PRELID2: variants seen among roughly 807,000 people sequenced by gnomAD.
PRELID2 encodes the protein PRELI domain containing 2.
In PRELID2, 25 loss-of-function variants were observed where a neutral mutation model predicts 28.4. The ratio of observed to expected loss-of-function variants is 0.88; its 90% CI spans 0.64 to 1.23. PRELID2 has a LOEUF of 1.23. PRELID2 is among the 50% of genes most tolerant of loss of function. The pLI is 0.00. For missense variants in PRELID2, 201 were observed against 214.4 expected, an observed-to-expected ratio of 0.94 and a Z score of 0.39; for synonymous variants, 76 against 71.6, an observed-to-expected ratio of 1.06 and a Z score of -0.31.
chr5:145,431,205 C>G, the PRELID2 span, among the ~76,000 whole-genome samples: 12 of 151,686 alleles, frequency 7.9e-5, no homozygotes, highest in Non-Finnish European at 1.2e-4. Context: ...TTTATCCACT[C>G]CCAATCACTA....
At chr5:145,301,082 T>C in the PRELID2 span, among the ~76,000 whole-genome samples, 1 of 152,098 alleles carries the variant, frequency 6.6e-6, no homozygotes, top group African/African-American at 2.4e-5. Flanking sequence ...GTTATCCCAA[T>C]GTGATTGTGT....
At chr5:145,429,503 T>C in the PRELID2 span, among the ~76,000 whole-genome samples, 5 of 151,882 alleles carry the variant, frequency 3.3e-5, no homozygotes, top group African/African-American at 1.2e-4. Context: ...AGATATGGAG[T>C]AGGCAGTTGG....
chr5:145,713,350 T>TTATATATATA lies in PRELID2; in HGVS notation n.70+51571_70+51580dup, dbSNP rs148194664. On this transcript the variant is annotated intron_variant and non_coding_transcript_variant, in intron 1 of 2. Transcript: ENST00000510259. ...AGAACTCTAAGAATGATATCTGACT[T>TTATATATATA]TATATATATATATATATATACTTTA... Among the ~76,000 whole-genome samples, 651 of 124,658 alleles carry TTATATATATA rather than the reference T, an allele frequency of 5.2e-3. 22 individuals are homozygous for TTATATATATA. Among genetic ancestry groups the TTATATATATA allele is most frequent in the African/African-American group, 0.019 (602 of 32,096 alleles). 81.8% of individuals were successfully genotyped at this position (124,658 alleles called of 152,430 possible).
the PRELID2 span, among the ~76,000 whole-genome samples, chr5:145,285,740 C>A: frequency 1.3e-5 from 2 of 152,154 alleles, no homozygotes; most frequent in Admixed American, 1.3e-4. Context: ...AGGTTTCCCT[C>A]TGAAGACCTT....
intron 1 of PRELID2, among the ~76,000 whole-genome samples, chr5:145,687,046 GGTTT>G (rs1382770182): frequency 6.6e-6 from 1 of 152,022 alleles, no homozygotes; most frequent in Non-Finnish European, 1.5e-5. Flanking sequence ...AATAATTACA[GGTTT>G]TTTTTAATTT....
At chr5:145,672,772 C>T (rs184253351) in intron 1 of PRELID2, among the ~76,000 whole-genome samples, 125 of 152,218 alleles carry the variant, frequency 8.2e-4, no homozygotes, top group African/African-American at 2.7e-3. Flanking sequence ...ACAGAAAATG[C>T]GACCCATCAC....
the PRELID2 span, among the ~76,000 whole-genome samples, chr5:145,393,736 T>C: frequency 6.6e-6 from 1 of 152,158 alleles, no homozygotes; most frequent in Non-Finnish European, 1.5e-5. Flanking sequence ...TAGGTTTCAG[T>C]TCACTGTGTA....
intron 1 of PRELID2, among the ~76,000 whole-genome samples, chr5:145,695,387 T>G (rs1187152284): frequency 6.6e-6 from 1 of 152,240 alleles, no homozygotes; most frequent in Non-Finnish European, 1.5e-5. Context: ...TAGAGGCTAG[T>G]GGACTAGGAA....
intron 1 of PRELID2, among the ~76,000 whole-genome samples, chr5:145,497,594 C>T (rs1435094257): frequency 2.0e-5 from 3 of 152,152 alleles, no homozygotes; most frequent in East Asian, 1.9e-4. Context: ...GAAACGCCTG[C>T]ATACTAGCTA....
chr5:145,809,366 C>A (rs1753775879), intron 4 of PRELID2, among the ~76,000 whole-genome samples: 1 of 151,724 alleles, frequency 6.6e-6, no homozygotes, highest in African/African-American at 2.4e-5. Flanking sequence ...TGACACACTG[C>A]CATGGCCCAG....
the PRELID2 span, among the ~76,000 whole-genome samples, chr5:145,409,984 T>C: frequency 6.6e-6 from 1 of 152,118 alleles, no homozygotes; most frequent in Non-Finnish European, 1.5e-5. Flanking sequence ...TGGAACAGAA[T>C]ACAGAACCCA....
chr5:145,788,779 C>T (rs1468417051), intron 5 of PRELID2, among the ~76,000 whole-genome samples: 2 of 151,986 alleles, frequency 1.3e-5, no homozygotes, highest in East Asian at 1.9e-4. Flanking sequence ...AAAGACTCCA[C>T]CAAAAAATGG....
the PRELID2 span, among the ~76,000 whole-genome samples, chr5:145,439,345 A>C: frequency 6.6e-6 from 1 of 152,174 alleles, no homozygotes; most frequent in South Asian, 2.1e-4. Context: ...CAGAGGAGCT[A>C]AGTGGCCTTC....
At chr5:145,792,132 T>A (rs1752436512) in intron 5 of PRELID2, among the ~76,000 whole-genome samples, 1 of 152,134 alleles carries the variant, frequency 6.6e-6, no homozygotes, top group South Asian at 2.1e-4. Flanking sequence ...AACACCCAGC[T>A]TGCCCCACGC....
chr5:145,607,891 G>A (rs895463689), intron 1 of PRELID2, among the ~76,000 whole-genome samples: 1 of 152,144 alleles, frequency 6.6e-6, no homozygotes, highest in Non-Finnish European at 1.5e-5. Context: ...CTCTTCATAG[G>A]TGTCTAAGAA....
chr5:145,776,718 T>C (rs1415481294), intron 5 of PRELID2, among the ~76,000 whole-genome samples: 1 of 152,232 alleles, frequency 6.6e-6, no homozygotes, highest in Non-Finnish European at 1.5e-5. Context: ...AAGGAGACAC[T>C]GAAGAAATAG....
chr5:145,591,669 C>T (rs1193891129), intron 1 of PRELID2, among the ~76,000 whole-genome samples: 1 of 152,160 alleles, frequency 6.6e-6, no homozygotes, highest in Non-Finnish European at 1.5e-5. Context: ...ATATCCCACA[C>T]TAAATCAAAG....
At chr5:145,820,369 C>T (rs557732015) in intron 2 of PRELID2, among the ~76,000 whole-genome samples, 1 of 152,218 alleles carries the variant, frequency 6.6e-6, no homozygotes, top group African/African-American at 2.4e-5. Context: ...AAGGGTACAA[C>T]AGTAACTCAG....
chr5:145,528,321 TCA>T (rs1752625809), intron 1 of PRELID2, among the ~76,000 whole-genome samples: 1 of 152,142 alleles, frequency 6.6e-6, no homozygotes, highest in Non-Finnish European at 1.5e-5. Flanking sequence ...TCAGTACTTA[TCA>T]CAGTCCTAGG....
Sources: allele counts gnomAD v4.1 joint callset (sites outside exome capture counted in the v4.1 genomes callset), GRCh38; gene constraint gnomAD v4.1.1; transcripts MANE v1.5; gene names NCBI Gene and HGNC (gene_info 2026-07-23, HGNC 2026-07-21).